Variants in ERC2 observed in about 807,000 individuals in gnomAD.
The protein encoded by ERC2 is ELKS/RAB6-interacting/CAST family member 2.
A neutral mutation model predicts 114.8 loss-of-function variants in ERC2; 42 were observed. The ratio of observed to expected loss-of-function variants is 0.37; its 90% confidence interval spans 0.29 to 0.47. The LOEUF (loss-of-function observed/expected upper bound fraction) is 0.47, where lower values mean the gene tolerates loss of function less well. ERC2 is among the 20% of genes least tolerant of loss of function. The pLI, the probability that ERC2 is intolerant of heterozygous loss-of-function variation, is 0.99. For missense variants in ERC2, 939 were observed against 1,150.7 expected (o/e 0.82, Z 2.66); for synonymous variants, 454 against 425.5 (o/e 1.07, Z -0.82).
At chr3:56,399,653 C>G (rs1046819119) in intron 2 of ERC2, among the ~76,000 whole-genome samples, 12 of 150,958 alleles carry the variant, frequency 7.9e-5, no homozygotes, top group Non-Finnish European at 1.8e-4. Flanking sequence ...ACAAAGAAAT[C>G]AAGAACCTTA....
At chr3:56,307,883 G>A (rs1161507370) in intron 2 of ERC2, among the ~76,000 whole-genome samples, 3 of 151,802 alleles carry the variant, frequency 2.0e-5, no homozygotes, top group African/African-American at 7.3e-5. Context: ...CTCAAGGACA[G>A]TTTCTAATTT....
chr3:56,297,130 A>C (rs895540648), intron 2 of ERC2, among the ~76,000 whole-genome samples: 9 of 152,310 alleles, frequency 5.9e-5, no homozygotes, highest in African/African-American at 2.2e-4. Context: ...AAATGAAAAA[A>C]AAATGAAGCA....
intron 15 of ERC2, among the ~76,000 whole-genome samples, chr3:55,701,723 G>A (rs1205663228): frequency 1.3e-5 from 2 of 152,180 alleles, no homozygotes; most frequent in African/African-American, 4.8e-5. Flanking sequence ...GAAAGAGCAG[G>A]TCAGTGGAGC....
intron 3 of ERC2, among the ~76,000 whole-genome samples, chr3:56,286,930 C>T (rs906598653): frequency 5.9e-5 from 9 of 152,068 alleles, no homozygotes; most frequent in African/African-American, 2.2e-4. Flanking sequence ...TTATATTTTT[C>T]CTTTAGTGAG....
At chr3:56,214,971 C>G (rs1427075567) in intron 3 of ERC2, among the ~76,000 whole-genome samples, 2 of 152,102 alleles carry the variant, frequency 1.3e-5, no homozygotes, top group Non-Finnish European at 2.9e-5. Flanking sequence ...CATGCCTGCC[C>G]TAAAAGAGCT....
chr3:55,714,665 GTGTATATATATA>G (rs1414050903), intron 15 of ERC2, among the ~76,000 whole-genome samples: 17 of 36,678 alleles, frequency 4.6e-4, no homozygotes, highest in East Asian at 7.3e-4. Flanking sequence ...GTGTGTGTGT[GTGTATATATATA>G]TATATATATA....
intron 1 of ERC2, among the ~76,000 whole-genome samples, chr3:56,458,237 A>T (rs532909417): frequency 4.9e-4 from 74 of 152,264 alleles, no homozygotes; most frequent in African/African-American, 1.7e-3. Flanking sequence ...CTGTTGTAAA[A>T]ATATATATAT....
intron 2 of ERC2, among the ~76,000 whole-genome samples, chr3:56,372,179 A>T (rs2059384703): frequency 6.6e-6 from 1 of 152,228 alleles, no homozygotes. Flanking sequence ...GAGTCCAAAC[A>T]GGGAGAGCCC....
At chr3:55,613,982 C>CAAAAAAAAAAA (rs60242810) in intron 17 of ERC2, among the ~76,000 whole-genome samples, 2 of 62,278 alleles carry the variant, frequency 3.2e-5, no homozygotes, top group African/African-American at 6.9e-5. Context: ...GACTTCCTCT[C>CAAAAAAAAAAA]AAAAAAAAAA....
chr3:56,360,151 G>A (rs898468115), intron 2 of ERC2, among the ~76,000 whole-genome samples: 2 of 131,414 alleles, frequency 1.5e-5, no homozygotes, highest in East Asian at 5.0e-4. Context: ...TGCAAGCTCC[G>A]CCTCCTGGGT....
At chr3:55,804,802 C>T (rs1365464568) in intron 14 of ERC2, among the ~76,000 whole-genome samples, 1 of 151,996 alleles carries the variant, frequency 6.6e-6, no homozygotes, top group Admixed American at 6.6e-5. Flanking sequence ...TGCTTCAGTC[C>T]GAGTTGGTTT....
At chr3:56,136,977 T>C (rs1455501851) in intron 6 of ERC2, among the ~76,000 whole-genome samples, 1 of 152,238 alleles carries the variant, frequency 6.6e-6, no homozygotes, top group Non-Finnish European at 1.5e-5. Context: ...TTTGGTCATT[T>C]TAATTATTGA....
chr3:55,852,566 A>G (rs189214432), intron 14 of ERC2: 1 of 154,404 alleles, frequency 6.5e-6, no homozygotes, highest in East Asian at 1.9e-4. Context: ...TCCCTTGTAG[A>G]TAATCTAGTG....
At chr3:56,217,694 C>T (rs1467743265) in intron 3 of ERC2, among the ~76,000 whole-genome samples, 1 of 152,098 alleles carries the variant, frequency 6.6e-6, no homozygotes. Context: ...AATCCTAAGC[C>T]AAAAGAACAA....
At chr3:55,847,243 A>C (rs2061406089) in intron 14 of ERC2, among the ~76,000 whole-genome samples, 1 of 152,198 alleles carries the variant, frequency 6.6e-6, no homozygotes, top group Admixed American at 6.5e-5. Context: ...TAAACCTATA[A>C]AGCTTTTCCC....
intron 2 of ERC2, among the ~76,000 whole-genome samples, chr3:56,312,155 GT>G (rs906961431): frequency 6.6e-6 from 1 of 152,034 alleles, no homozygotes; most frequent in African/African-American, 2.4e-5. Context: ...CCTGGAACCA[GT>G]CCCCCACAGA....
At chr3:55,620,358 G>A (rs1346895074) in intron 17 of ERC2, among the ~76,000 whole-genome samples, 12 of 152,070 alleles carry the variant, frequency 7.9e-5, no homozygotes, top group African/African-American at 2.4e-4. Context: ...AGATGTGTGG[G>A]GTTTTTAGAT....
intron 14 of ERC2, among the ~76,000 whole-genome samples, chr3:55,863,449 T>C (rs1409447792): frequency 1.3e-5 from 2 of 152,136 alleles, no homozygotes. Flanking sequence ...AGAGAAGGAA[T>C]ATAGTTCCCT....
intron 10 of ERC2, among the ~76,000 whole-genome samples, chr3:56,001,362 AT>A (rs71723464): frequency 0.012 from 1,772 of 152,276 alleles, 33 homozygotes; most frequent in African/African-American, 0.04. Flanking sequence ...AAACATAGTC[AT>A]TTTTAAAAGA....
Sources: gnomAD v4.1 joint callset for allele counts (sites outside exome capture counted in the v4.1 genomes callset) on GRCh38, gnomAD v4.1.1 for gene constraint, MANE v1.5 for transcripts, NCBI Gene and HGNC (gene_info 2026-07-23, HGNC 2026-07-21) for gene names.